The following EXD2 variants were observed in gnomAD, a reference collection of about 807,000 sequenced individuals.
EXD2 encodes exonuclease 3'-5' domain containing 2.
A neutral mutation model predicts 62.5 loss-of-function variants in EXD2; 40 were observed. The ratio of observed to expected loss-of-function variants is 0.64; its 90% CI spans 0.50 to 0.83. The LOEUF is 0.83. EXD2 is among the 40% of genes least tolerant of loss of function. The probability of loss-of-function intolerance (pLI) is 0.00; values close to 1 mark genes in which losing one functional copy is unlikely to be tolerated. For synonymous variants in EXD2, 239 were observed against 291.9 expected, an observed-to-expected ratio of 0.82 and a Z score of 1.85; for missense variants, 671 against 761.8, an observed-to-expected ratio of 0.88 and a Z score of 1.40.
chr14:69,233,356 T>A (rs1018000906), intron 5 of EXD2, among the ~76,000 whole-genome samples: 10 of 152,074 alleles, frequency 6.6e-5, no homozygotes, highest in African/African-American at 2.4e-4. Flanking sequence ...GTCCTTACAC[T>A]TTTTGTTGGG....
Position 69,243,823 on chromosome 14 carries a change from AG to A in EXD2, c.*2724del, listed in dbSNP as rs961984424. 5.9e-5 allele frequency: 9 copies of A among 152,160 alleles called. No homozygotes were observed. Among genetic ancestry groups the A allele is most frequent in the African/African-American group, 2.2e-4 (9 of 41,434 alleles). 9.4% of individuals were successfully genotyped at this position (152,160 alleles called of 1,614,324 possible). On this transcript the variant is annotated 3_prime_UTR_variant, in exon 10 of 10. Coordinates refer to ENST00000685843, the MANE Select transcript of EXD2 (RefSeq NM_001193360.2). ...TTCATAGGAGTAGCAGTGAGAGGACAGTGTCACAGCAAGGGCCTCTCTGCAT... is the reference window on the plus strand; with the variant it reads ...TTCATAGGAGTAGCAGTGAGAGGACATGTCACAGCAAGGGCCTCTCTGCAT...
At chr14:69,228,185 C>CTTTTTTTTTTTTTTTTTTTTTTTTTTTT (rs35695329) in intron 3 of EXD2, among the ~76,000 whole-genome samples, 2 of 80,516 alleles carry the variant, frequency 2.5e-5, no homozygotes, top group Non-Finnish European at 4.3e-5. Context: ...TTTCCTTAGC[C>CTTTTTTTTTTTTTTTTTTTTTTTTTTTT]TTTTTTTTTT....
chr14:69,232,005 A>G (rs2043601476), intron 5 of EXD2, among the ~76,000 whole-genome samples: 2 of 151,960 alleles, frequency 1.3e-5, no homozygotes, highest in South Asian at 4.2e-4. Context: ...ATTCTATTCA[A>G]GAAGTGTAAG....
chr14:69,202,893 T>G (rs1594729977), intron 1 of EXD2, among the ~76,000 whole-genome samples: 1 of 152,344 alleles, frequency 6.6e-6, no homozygotes. Context: ...ATGAAGAACT[T>G]GATTTGGCAT....
At chr14:69,201,120 T>A (rs1566816098) in intron 1 of EXD2, among the ~76,000 whole-genome samples, 1 of 152,184 alleles carries the variant, frequency 6.6e-6, no homozygotes, top group Non-Finnish European at 1.5e-5. Context: ...TTACATCCTT[T>A]TTTTGTAGTA....
At chr14:69,236,584 G>A (rs1429953584) in intron 8 of EXD2, 42 bp downstream of exon 8, 2 of 1,613,426 alleles carry the variant, frequency 1.2e-6, no homozygotes, top group Non-Finnish European at 1.7e-6. Context: ...TGTGGCAGAT[G>A]GAAATTGCTT....
Position 69,209,550 on chromosome 14 carries a change from G to T in EXD2, c.80G>T (p.Gly27Val), listed in dbSNP as rs1187591150. 6.4e-7 allele frequency: 1 copy of T among 1,550,442 alleles called. No homozygotes were observed. The highest frequency in any genetic ancestry group is 1.4e-5 in the African/African-American group (1 of 73,002). The change falls in exon 3 of 10, where the codon GGC becomes GTC. Residue 27 changes from glycine (G) to valine (V), a missense_variant. Coordinates refer to ENST00000685843, the MANE Select transcript of EXD2 (RefSeq NM_001193360.2). ...GTAGGGGGGTTTGTCCTCTGGAAAGGCATCCAGCGCCGCCGAAGGAGTAAA... is the reference window on the plus strand; with the variant it reads ...GTAGGGGGGTTTGTCCTCTGGAAAGTCATCCAGCGCCGCCGAAGGAGTAAA... ...VAVGGFVLWK[G>V]IQRRRRSKTS...
rs546218193 is a variant in EXD2 at position 69,234,770 on chromosome 14, C to A, written c.788C>A (p.Ser263Tyr). 3 of 1,614,098 alleles carry A rather than the reference C, an allele frequency of 1.9e-6. No individual in the cohort carries two copies. Among genetic ancestry groups the A allele is most frequent in the African/African-American group, 2.7e-5 (2 of 74,992 alleles). ...LFLHLLGYPF[S>Y]RNSPGEKNDD... ...CTTCATCTTCTTGGATACCCTTTCT[C>A]TAGGAATTCACCTGGAGAAAAAAAC... The change falls in exon 6 of 10, where the codon TCT becomes TAT. Residue 263 changes from serine to tyrosine, a missense_variant. By Grantham distance (144) the Ser-to-Tyr change is moderately radical (BLOSUM62 -2). Coordinates refer to ENST00000685843, the MANE Select transcript of EXD2 (RefSeq NM_001193360.2).
At chr14:69,233,348 C>A (rs952050268) in intron 5 of EXD2, among the ~76,000 whole-genome samples, 1 of 151,136 alleles carries the variant, frequency 6.6e-6, no homozygotes, top group Non-Finnish European at 1.5e-5. Context: ...ATTTTAAAGT[C>A]CTTACACTTT....
In EXD2 at chr14:69,199,693, C is replaced by CA. The variant is rs2042324399; in HGVS notation, c.-131-4223dup. ...GCTTAGACATACACAGAGTCAGGAT[C>CA]ATCAATATCACTGTCTTCCACCTCC... On this transcript the variant is annotated intron_variant, in intron 1 of 9. Transcript: ENST00000685843. 7.9e-5 allele frequency among the ~76,000 whole-genome samples: 12 copies of CA among 152,086 alleles called. No individual in the cohort carries two copies. The South Asian group carries it at 2.5e-3, about 32-fold the overall frequency.
In EXD2 at chr14:69,234,976, G is replaced by C. The variant is rs1445248647; in HGVS notation, c.994G>C (p.Gly332Arg). The change falls in exon 6 of 10, where the codon GGG (glycine) becomes CGG (arginine). Residue 332 changes from glycine to arginine, a missense_variant. By Grantham distance (125) the Gly-to-Arg change is moderately radical. Coordinates refer to ENST00000685843, the MANE Select transcript of EXD2 (RefSeq NM_001193360.2). ...MDGMVPGNHQGRDPRKHKRKP... is the reference protein window; with the variant it reads ...MDGMVPGNHQRRDPRKHKRKP... ...TGGGATGGTGCCAGGCAACCACCAA[G>C]GGAGAGACCCCAGAAAACATAAAAG... 3 of 1,611,716 alleles carry C rather than the reference G, an allele frequency of 1.9e-6. No homozygotes were observed. In the African/African-American group the frequency reaches 4.0e-5, roughly 22 times the overall value.
chr14:69,206,272 G>C (rs1303674357), intron 2 of EXD2, among the ~76,000 whole-genome samples: 1 of 151,928 alleles, frequency 6.6e-6, no homozygotes, highest in African/African-American at 2.4e-5. Context: ...GCCTGGGGCA[G>C]GTGGCTTGCC....
At chr14:69,212,130 C>T (rs1344686844) in intron 3 of EXD2, among the ~76,000 whole-genome samples, 3 of 152,134 alleles carry the variant, frequency 2.0e-5, no homozygotes, top group African/African-American at 7.2e-5. Flanking sequence ...AATCCTAGCA[C>T]TTTGGGAGGC....
chr14:69,205,563 CTG>C (rs1337675709), intron 2 of EXD2, among the ~76,000 whole-genome samples: 3 of 152,002 alleles, frequency 2.0e-5, no homozygotes, highest in African/African-American at 7.3e-5. Flanking sequence ...ATTAATATCT[CTG>C]AATATTCTTT....
Position 69,220,253 on chromosome 14 carries a change from G to GTTT in EXD2, c.334-8530_334-8528dup, listed in dbSNP as rs869194045. ...CTCTCAGCAAGTGTTTTGTCTCTCT[G>GTTT]TTTTTTTTTTTTTTTTTTTTTTTTT... On this transcript the variant is annotated intron_variant, in intron 3 of 9. Transcript: ENST00000685843. Among the ~76,000 whole-genome samples, 206 of 35,122 alleles carry GTTT rather than the reference G, an allele frequency of 5.9e-3. 48 individuals are homozygous for GTTT. Among genetic ancestry groups the GTTT allele is most frequent in the African/African-American group, 0.012 (102 of 8,214 alleles). 23.0% of individuals were successfully genotyped at this position (35,122 alleles called of 152,430 possible).
At chr14:69,236,581 G>T (rs771623552) in intron 8 of EXD2, 39 bp downstream of exon 8, 17 of 1,613,406 alleles carry the variant, frequency 1.1e-5, no homozygotes, top group Non-Finnish European at 1.4e-5. Context: ...GTCTGTGGCA[G>T]ATGGAAATTG....
chr14:69,237,837 C>T lies in EXD2; in HGVS notation c.1555C>T (p.Arg519Ter), dbSNP rs768692297. The change falls in exon 9 of 10, where the codon CGA (arginine) becomes TGA (stop). Residue 519 changes from arginine (R) to a stop codon, truncating the protein, a stop_gained. Transcript: ENST00000685843. LOFTEE classifies it high-confidence loss of function. ...LLNAESLPTQ[R>*]KEELLQALRE... ...CAACGCGGAGAGCCTGCCTACTCAG[C>T]GAAAGGAGGAGCTGCTGCAAGCACT... 5.6e-6 allele frequency: 9 copies of T among 1,612,986 alleles called. No individual in the cohort carries two copies. The highest frequency in any genetic ancestry group is 1.7e-5 in the Admixed American group (1 of 59,682).
intron 3 of EXD2, among the ~76,000 whole-genome samples, chr14:69,216,693 G>A (rs2042996988): frequency 6.6e-6 from 1 of 152,028 alleles, no homozygotes; most frequent in South Asian, 2.1e-4. Context: ...GTAGGGAACT[G>A]ACTTCTTTAT....
intron 9 of EXD2, 76 bp from the exon 10 acceptor site, chr14:69,240,808 C>A: frequency 7.6e-7 from 1 of 1,312,932 alleles, no homozygotes. Flanking sequence ...ACCCTTGGCG[C>A]GCAGCATTTG....
Sources: allele counts gnomAD v4.1 joint callset (sites outside exome capture counted in the v4.1 genomes callset), GRCh38; gene constraint gnomAD v4.1.1; transcripts MANE v1.5; gene names NCBI Gene and HGNC (gene_info 2026-07-23, HGNC 2026-07-21).